The following GPHN variants were observed in gnomAD, a reference collection of about 807,000 sequenced individuals.
GPHN encodes the protein gephyrin.
GPHN carries 17 observed loss-of-function variants against 95.5 expected under a neutral mutation model. The ratio of observed to expected loss-of-function variants is 0.18; its 90% confidence interval spans 0.12 to 0.27. The LOEUF (loss-of-function observed/expected upper bound fraction) is 0.27. Among genes scored for constraint, GPHN ranks in the 10% least tolerant of loss-of-function variants. GPHN has a pLI of 1.00. For missense variants in GPHN, 660 were observed against 978.1 expected (o/e 0.67, Z 4.34); for synonymous variants, 320 against 322.5 (o/e 0.99, Z 0.08).
chr14:67,735,220 G>C, the GPHN span: 1 of 1,461,022 alleles, frequency 6.8e-7, no homozygotes, highest in Non-Finnish European at 9.6e-7. Context: ...ATTTCTCGTG[G>C]TGTTCAGGTG....
At chr14:67,159,349 T>C in intron 18 of GPHN, 66 bp from the exon 19 acceptor site, 1 of 909,608 alleles carries the variant, frequency 1.1e-6, no homozygotes, top group Non-Finnish European at 1.9e-6. Flanking sequence ...TTAATGTTCA[T>C]TTAAAGTGTT....
chr14:67,729,222 A>G, the GPHN span: 1 of 1,612,094 alleles, frequency 6.2e-7, no homozygotes, highest in South Asian at 1.1e-5. Flanking sequence ...CAGTGCACCC[A>G]GGCGTCGTCC....
the GPHN span, among the ~76,000 whole-genome samples, chr14:67,256,671 C>G: frequency 6.6e-6 from 1 of 152,042 alleles, no homozygotes; most frequent in Admixed American, 6.6e-5. Context: ...CCTCAGCCTC[C>G]CAAGTAGCTG....
intron 2 of GPHN, among the ~76,000 whole-genome samples, chr14:66,719,809 A>T (rs2070551273): frequency 6.6e-6 from 1 of 152,132 alleles, no homozygotes; most frequent in African/African-American, 2.4e-5. Context: ...TAAATAACAT[A>T]TTTTCAGAAA....
intron 21 of GPHN, among the ~76,000 whole-genome samples, chr14:67,174,098 C>T (rs1416108262): frequency 6.6e-6 from 1 of 152,178 alleles, no homozygotes; most frequent in East Asian, 1.9e-4. Context: ...TATACTTTAA[C>T]TTCTGGGGTA....
At chr14:67,289,608 G>A in the GPHN span, among the ~76,000 whole-genome samples, 5 of 151,970 alleles carry the variant, frequency 3.3e-5, no homozygotes, top group African/African-American at 9.7e-5. Flanking sequence ...GAAAGATAGC[G>A]AACCTCAAGA....
chr14:66,740,730 T>C (rs895313805), intron 2 of GPHN, among the ~76,000 whole-genome samples: 4 of 152,196 alleles, frequency 2.6e-5, no homozygotes, highest in Non-Finnish European at 5.9e-5. Flanking sequence ...GGATGAATAA[T>C]AAAAGTTAGT....
At chr14:67,559,488 C>A in the GPHN span, 1 of 653,356 alleles carries the variant, frequency 1.5e-6, no homozygotes, top group South Asian at 1.8e-5. Flanking sequence ...ACGATTTCTG[C>A]TCACTGGCTT....
intron 18 of GPHN, among the ~76,000 whole-genome samples, chr14:67,159,030 A>C (rs1195976296): frequency 6.6e-6 from 1 of 152,216 alleles, no homozygotes; most frequent in Non-Finnish European, 1.5e-5. Context: ...CCTTCTTCAG[A>C]CATAAAATTC....
the GPHN span, chr14:67,695,888 G>T: frequency 1.7e-6 from 1 of 600,846 alleles, no homozygotes; most frequent in African/African-American, 1.9e-5. Context: ...AACGCTGGCA[G>T]AAGTTGAATT....
Position 67,100,914 on chromosome 14 carries a change from G to A in GPHN, c.1293+3G>A. 6.4e-7 allele frequency: 1 copy of A among 1,557,734 alleles called. No individual in the cohort carries two copies. Among genetic ancestry groups the A allele is most frequent in the Non-Finnish European group, 8.9e-7 (1 of 1,128,532 alleles). ...GGGAATCCCAAGCTGGTGAACAGGT[G>A]AGATTGATAGGCCTGAAAGGCACTG... On this transcript the variant is annotated splice_donor_region_variant and intron_variant, in intron 13 of 22. Coordinates refer to ENST00000478722, the MANE Select transcript of GPHN (RefSeq NM_020806.5).
intron 2 of GPHN, among the ~76,000 whole-genome samples, chr14:66,728,042 A>G (rs2071411152): frequency 6.6e-6 from 1 of 152,054 alleles, no homozygotes; most frequent in African/African-American, 2.4e-5. Context: ...CTGTGTTCCA[A>G]CCACTTTAGC....
chr14:67,203,119 A>T, the GPHN span: 124 of 1,613,290 alleles, frequency 7.7e-5, no homozygotes, highest in African/African-American at 1.6e-3. Context: ...GAATCCATTT[A>T]CCTTCATAAC....
At chr14:67,586,983 C>T in the GPHN span, 1 of 1,531,814 alleles carries the variant, frequency 6.5e-7, no homozygotes, top group Non-Finnish European at 8.8e-7. Flanking sequence ...AAACTGAGGC[C>T]CAGGAACTCA....
At chr14:67,295,795 G>A in the GPHN span, among the ~76,000 whole-genome samples, 1 of 152,154 alleles carries the variant, frequency 6.6e-6, no homozygotes, top group East Asian at 1.9e-4. Context: ...TTGGAAAAAT[G>A]TTTGGCAGTA....
chr14:67,440,289 C>T, the GPHN span, among the ~76,000 whole-genome samples: 1 of 152,116 alleles, frequency 6.6e-6, no homozygotes, highest in African/African-American at 2.4e-5. Context: ...CTCCTTGATA[C>T]GGATGTAAAG....
At chr14:66,821,719 G>A (rs889200868) in intron 3 of GPHN, among the ~76,000 whole-genome samples, 3 of 152,090 alleles carry the variant, frequency 2.0e-5, no homozygotes, top group Non-Finnish European at 2.9e-5. Flanking sequence ...TTTCTATTTT[G>A]TCTTAAAATC....
chr14:67,036,813 A>T (rs966146628), intron 10 of GPHN, among the ~76,000 whole-genome samples: 2 of 151,864 alleles, frequency 1.3e-5, no homozygotes, highest in African/African-American at 4.8e-5. Flanking sequence ...AGATACCTGG[A>T]TTCATGGATG....
At chr14:66,798,899 A>G (rs2060250359) in intron 3 of GPHN, among the ~76,000 whole-genome samples, 1 of 150,946 alleles carries the variant, frequency 6.6e-6, no homozygotes, top group Admixed American at 6.6e-5. Context: ...TTTAAGATGC[A>G]TTATTAGATT....
Sources: gnomAD v4.1 joint callset for allele counts (sites outside exome capture counted in the v4.1 genomes callset) on GRCh38, gnomAD v4.1.1 for gene constraint, MANE v1.5 for transcripts, NCBI Gene and HGNC (gene_info 2026-07-23, HGNC 2026-07-21) for gene names.